Variants in CSMD1 observed in about 807,000 individuals in gnomAD.
CSMD1 encodes the protein CUB and sushi domain-containing protein 1.
In CSMD1, 213 loss-of-function variants were observed where a neutral mutation model predicts 417.5. The observed-to-expected ratio is 0.51, with a 90% CI of 0.46 to 0.57. The LOEUF is 0.57. Among genes scored for constraint, CSMD1 ranks in the 20% least tolerant of loss-of-function variants. CSMD1 has a pLI of 0.00. For missense variants in CSMD1, 6,923 were observed against 4,529.7 expected, an observed-to-expected ratio of 1.53 and a Z score of -15.17; for synonymous variants, 2,862 against 1,736.8, an observed-to-expected ratio of 1.65 and a Z score of -16.11.
At chr8:4,114,255 T>C (rs770696100) in intron 3 of CSMD1, among the ~76,000 whole-genome samples, 5 of 152,202 alleles carry the variant, frequency 3.3e-5, no homozygotes, top group Non-Finnish European at 7.3e-5. Context: ...ATCCTAGGGC[T>C]CTTAAGAATG....
rs150034127 is a variant in CSMD1 at position 4,292,616 on chromosome 8, T to G, written c.415+127337A>C. 1.1e-4 allele frequency among the ~76,000 whole-genome samples: 16 copies of G among 152,252 alleles called. No individual in the cohort carries two copies. In the East Asian group the frequency reaches 3.1e-3, roughly 29 times the overall value. On this transcript the variant is annotated intron_variant, in intron 3 of 69. Coordinates refer to ENST00000635120, the MANE Select transcript of CSMD1 (RefSeq NM_033225.6). ...ACTATAAGATTAATACATGTAAACATGTTGATATTTTCTGTGCCTCAGTCT... is the reference window on the plus strand; with the variant it reads ...ACTATAAGATTAATACATGTAAACAGGTTGATATTTTCTGTGCCTCAGTCT...
At position 4,296,501 on chromosome 8, in the gene CSMD1, A is replaced by C. The variant is rs182479747; in HGVS notation, c.415+123452T>G. On this transcript the variant is annotated intron_variant, in intron 3 of 69. Coordinates refer to ENST00000635120, the MANE Select transcript of CSMD1 (RefSeq NM_033225.6). ...TTTTAAATAATTAATATCTTTTCCC[A>C]AAGAGAGGGTTTATCTATTTCTGAT... is the stretch of plus-strand genomic sequence containing the variant. 5.9e-5 allele frequency among the ~76,000 whole-genome samples: 9 copies of C among 152,204 alleles called. No individual in the cohort carries two copies. In the East Asian group the frequency reaches 1.7e-3, roughly 29 times the overall value.
intron 5 of CSMD1, among the ~76,000 whole-genome samples, chr8:3,941,720 T>C (rs1053091668): frequency 2.0e-5 from 3 of 152,188 alleles, no homozygotes; most frequent in Non-Finnish European, 4.4e-5. Context: ...ATTTATTTAT[T>C]TTTTAACTAC....
intron 6 of CSMD1, among the ~76,000 whole-genome samples, chr8:3,752,698 A>AAAAAAAC (rs1797416166): frequency 8.5e-6 from 1 of 117,754 alleles, no homozygotes; most frequent in African/African-American, 3.1e-5. Context: ...AAAAAAAAAA[A>AAAAAAAC]AAAAAACATA....
At chr8:4,228,034 A>T (rs927091555) in intron 3 of CSMD1, among the ~76,000 whole-genome samples, 1 of 149,792 alleles carries the variant, frequency 6.7e-6, no homozygotes, top group Non-Finnish European at 1.5e-5. Flanking sequence ...CCCACATTAA[A>T]TCCCACACCA....
At chr8:3,239,577 C>G (rs560305768) in intron 26 of CSMD1, among the ~76,000 whole-genome samples, 1 of 152,140 alleles carries the variant, frequency 6.6e-6, no homozygotes, top group African/African-American at 2.4e-5. Flanking sequence ...GGGTGGGGGC[C>G]TGAATAATCT....
intron 23 of CSMD1, among the ~76,000 whole-genome samples, chr8:3,337,001 G>A (rs1019755270): frequency 5.3e-5 from 8 of 152,160 alleles, no homozygotes; most frequent in African/African-American, 1.2e-4. Flanking sequence ...GACAGGAGCT[G>A]TGCCTGAGGG....
intron 10 of CSMD1, among the ~76,000 whole-genome samples, chr8:3,547,639 G>T (rs7842296): frequency 0.022 from 3,292 of 151,876 alleles, 109 homozygotes; most frequent in African/African-American, 0.074. Context: ...TAATAAAGTG[G>T]GTTTGTAAGT....
chr8:3,829,823 G>T (rs562535038), intron 5 of CSMD1, among the ~76,000 whole-genome samples: 12 of 152,044 alleles, frequency 7.9e-5, no homozygotes, highest in Admixed American at 7.2e-4. Context: ...CACTGAATAA[G>T]TTCGTTTTAA....
At chr8:3,711,013 C>G (rs1214586853) in intron 6 of CSMD1, among the ~76,000 whole-genome samples, 1 of 152,138 alleles carries the variant, frequency 6.6e-6, no homozygotes, top group Non-Finnish European at 1.5e-5. Flanking sequence ...TTCCCAGTAT[C>G]AAGAGCGGTG....
intron 1 of CSMD1, among the ~76,000 whole-genome samples, chr8:4,673,842 G>C (rs529940810): frequency 6.6e-6 from 1 of 152,136 alleles, no homozygotes; most frequent in East Asian, 1.9e-4. Flanking sequence ...TTGAGTGCTT[G>C]CCAGGGACTG....
intron 13 of CSMD1, among the ~76,000 whole-genome samples, chr8:3,408,774 G>A (rs188815687): frequency 6.6e-6 from 1 of 151,912 alleles, no homozygotes. Flanking sequence ...TTACTTTTAA[G>A]AATGTGTACT....
chr8:3,589,770 A>T (rs1487834432), intron 8 of CSMD1, among the ~76,000 whole-genome samples: 1 of 152,190 alleles, frequency 6.6e-6, no homozygotes, highest in African/African-American at 2.4e-5. Flanking sequence ...ATGAAAAATG[A>T]CAAATATGTG....
chr8:4,772,510 G>C (rs917044882), intron 1 of CSMD1, among the ~76,000 whole-genome samples: 5 of 152,114 alleles, frequency 3.3e-5, no homozygotes, highest in African/African-American at 4.8e-5. Flanking sequence ...CACAGGATCT[G>C]GTATTACAGC....
intron 3 of CSMD1, among the ~76,000 whole-genome samples, chr8:4,154,318 G>C (rs755440847): frequency 1.3e-5 from 2 of 152,192 alleles, no homozygotes; most frequent in East Asian, 1.9e-4. Flanking sequence ...TCCTATTTAA[G>C]TTGAAAGGAT....
intron 68 of CSMD1, among the ~76,000 whole-genome samples, chr8:2,944,462 G>C (rs772632430): frequency 3.9e-5 from 6 of 152,144 alleles, no homozygotes; most frequent in African/African-American, 7.2e-5. Context: ...CCAACTTCAT[G>C]GGTTGGTTGT....
At chr8:4,738,383 C>T (rs2116990912) in intron 1 of CSMD1, among the ~76,000 whole-genome samples, 1 of 152,228 alleles carries the variant, frequency 6.6e-6, no homozygotes, top group Non-Finnish European at 1.5e-5. Flanking sequence ...GGGCAGCAAA[C>T]ATGTTTTTCA....
At chr8:4,259,781 A>T (rs944804253) in intron 3 of CSMD1, among the ~76,000 whole-genome samples, 15 of 152,204 alleles carry the variant, frequency 9.9e-5, no homozygotes, top group African/African-American at 2.9e-4. Flanking sequence ...TTAAAAATTT[A>T]AAATATTCAT....
intron 5 of CSMD1, among the ~76,000 whole-genome samples, chr8:3,779,310 A>G (rs1563071742): frequency 6.6e-6 from 1 of 151,966 alleles, no homozygotes; most frequent in East Asian, 1.9e-4. Flanking sequence ...TTTTCTATTG[A>G]TTTTTAGAGA....
Sources: allele counts gnomAD v4.1 joint callset (sites outside exome capture counted in the v4.1 genomes callset), GRCh38; gene constraint gnomAD v4.1.1; transcripts MANE v1.5; gene names NCBI Gene and HGNC (gene_info 2026-07-23, HGNC 2026-07-21).